The following OCIAD2 variants were observed in gnomAD, a reference collection of about 807,000 sequenced individuals.
OCIAD2 encodes the protein OCIA domain-containing protein 2.
OCIAD2 carries 29 observed loss-of-function variants against 22.9 expected under a neutral mutation model. The observed-to-expected ratio is 1.27, with a 90% confidence interval of 0.94 to 1.73. The LOEUF is 1.73. OCIAD2 is among the 40% of genes most tolerant of loss of function. OCIAD2 has a pLI of 0.00. For synonymous variants in OCIAD2, 67 were observed against 60.2 expected, an observed-to-expected ratio of 1.11 and a Z score of -0.52; for missense variants, 189 against 180.3, an observed-to-expected ratio of 1.05 and a Z score of -0.28.
At position 48,886,528 on chromosome 4, in the gene OCIAD2, C is replaced by T. The variant is rs1433576432; in HGVS notation, c.384-963G>A. Reference sequence around the variant, plus strand: ...ACAACAGGCCCTGGTGTGTGATGTTCCCCTTCCTGTGTTCAAGTGTTCTCA... The same window carrying T: ...ACAACAGGCCCTGGTGTGTGATGTTTCCCTTCCTGTGTTCAAGTGTTCTCA... On this transcript the variant is annotated intron_variant, in intron 6 of 6. Coordinates refer to ENST00000508632, the MANE Select transcript of OCIAD2 (RefSeq NM_001014446.3). 4.2e-5 allele frequency among the ~76,000 whole-genome samples: 6 copies of T among 141,952 alleles called. No homozygotes were observed. In the East Asian group the frequency reaches 8.7e-4, roughly 21 times the overall value. The allele number at this position is 141,952 out of a possible 152,430, so 93.1% of individuals were successfully genotyped here.
intron 2 of OCIAD2, among the ~76,000 whole-genome samples, chr4:48,903,227 T>C (rs1450406202): frequency 6.6e-6 from 1 of 152,160 alleles, no homozygotes; most frequent in Non-Finnish European, 1.5e-5. Context: ...AGTTGAAAAA[T>C]TGTTTCCATG....
At chr4:48,903,802 T>C (rs971078028) in intron 2 of OCIAD2, among the ~76,000 whole-genome samples, 3 of 151,832 alleles carry the variant, frequency 2.0e-5, no homozygotes, top group East Asian at 1.9e-4. Context: ...CCAGCCACCA[T>C]GCCCGGCTAT....
Position 48,892,824 on chromosome 4 carries a change from G to A in OCIAD2, c.331C>T (p.His111Tyr). 6.2e-7 allele frequency: 1 copy of A among 1,613,038 alleles called. No homozygotes were observed. Among genetic ancestry groups the A allele is most frequent in the Non-Finnish European group, 8.5e-7 (1 of 1,179,448 alleles). The part of the protein sequence containing the change: ...SYIGVCQSKF[H>Y]FFEDQLRGAG... ...CCACGGAGCTGATCTTCAAAAAAAT[G>A]GAATTTACTCTGGCATACTCCTATG... Residue 111 changes from histidine (H) to tyrosine (Y), a missense_variant, in exon 6 of 7, where the codon CAT becomes TAT. Coordinates refer to ENST00000508632, the MANE Select transcript of OCIAD2 (RefSeq NM_001014446.3).
chr4:48,900,801 C>T (rs1003024697), intron 2 of OCIAD2, among the ~76,000 whole-genome samples: 1 of 152,008 alleles, frequency 6.6e-6, no homozygotes, highest in African/African-American at 2.4e-5. Context: ...GCCATGTTGC[C>T]CAGGCTGGTC....
chr4:48,887,140 T>C (rs1347015476), intron 6 of OCIAD2, among the ~76,000 whole-genome samples: 1 of 152,272 alleles, frequency 6.6e-6, no homozygotes, highest in Non-Finnish European at 1.5e-5. Context: ...AAATGTCTTC[T>C]TTTGAGAAGT....
At chr4:48,903,143 G>T (rs7700186) in intron 2 of OCIAD2, among the ~76,000 whole-genome samples, 1 of 152,016 alleles carries the variant, frequency 6.6e-6, no homozygotes, top group African/African-American at 2.4e-5. Flanking sequence ...GAACATGAAC[G>T]CCATTGACCC....
At chr4:48,892,934 T>C in intron 5 of OCIAD2, 45 bp from the exon 6 acceptor site, 1 of 973,616 alleles carries the variant, frequency 1.0e-6, no homozygotes, top group Non-Finnish European at 1.6e-6. Context: ...TCTTCTCCAT[T>C]AGTTATTTTC....
intron 2 of OCIAD2, 35 bp downstream of exon 2, chr4:48,904,449 A>G (rs368129053): frequency 1.5e-4 from 239 of 1,575,678 alleles, no homozygotes; most frequent in Non-Finnish European, 1.8e-4. Flanking sequence ...ATCGTGTCTC[A>G]ATCAATGAAT....
At chr4:48,893,983 G>C in intron 5 of OCIAD2, 23 bp downstream of exon 5, 1 of 1,479,680 alleles carries the variant, frequency 6.8e-7, no homozygotes, top group Non-Finnish European at 9.1e-7. Flanking sequence ...CACTTGGCTT[G>C]CTTTTTTATT....
chr4:48,897,889 A>G, intron 3 of OCIAD2, 32 bp from the exon 4 acceptor site: 1 of 1,553,104 alleles, frequency 6.4e-7, no homozygotes, highest in East Asian at 2.2e-5. Context: ...CAATATTGGT[A>G]TTTTAAAAAT....
intron 6 of OCIAD2, among the ~76,000 whole-genome samples, chr4:48,890,858 C>A (rs1453515952): frequency 6.6e-6 from 1 of 152,162 alleles, no homozygotes; most frequent in Non-Finnish European, 1.5e-5. Context: ...CCAGCAACTG[C>A]TATTGTAAAA....
chr4:48,889,683 T>C (rs1781108675), intron 6 of OCIAD2, among the ~76,000 whole-genome samples: 1 of 152,242 alleles, frequency 6.6e-6, no homozygotes, highest in Non-Finnish European at 1.5e-5. Context: ...TCAACCATTA[T>C]GGAAGACAGT....
chr4:48,895,847 C>T (rs1250014581), intron 4 of OCIAD2, among the ~76,000 whole-genome samples: 1 of 152,034 alleles, frequency 6.6e-6, no homozygotes, highest in Non-Finnish European at 1.5e-5. Flanking sequence ...GCCTGGCCAA[C>T]ATGGTGAAAC....
At chr4:48,892,363 T>C (rs535514597) in intron 6 of OCIAD2, among the ~76,000 whole-genome samples, 1 of 152,122 alleles carries the variant, frequency 6.6e-6, no homozygotes, top group South Asian at 2.1e-4. Context: ...GGTGATGCCA[T>C]TAACTCCAAA....
Position 48,892,843 on chromosome 4 carries a change from T to G in OCIAD2, c.312A>C (p.Gly104=), listed in dbSNP as rs984756296. ...GFGLGKVSYI[G]VCQSKFHFFE... is the part of the protein sequence containing the mutation. Reference sequence around the variant, plus strand: ...AAAAATGGAATTTACTCTGGCATACTCCTATGTATGATACCTTTCCAAGGC... The same window carrying G: ...AAAAATGGAATTTACTCTGGCATACGCCTATGTATGATACCTTTCCAAGGC... The change falls in exon 6 of 7, where the codon GGA becomes GGC. Residue 104 remains glycine (G), a synonymous_variant. Transcript: ENST00000508632. 1 of 1,612,540 alleles carries G rather than the reference T, an allele frequency of 6.2e-7. No homozygotes were observed. Among genetic ancestry groups the G allele is most frequent in the Non-Finnish European group, 8.5e-7 (1 of 1,179,160 alleles).
chr4:48,904,661 A>C (rs1490630441), intron 1 of OCIAD2, 50 bp from the exon 2 acceptor site: 4 of 965,610 alleles, frequency 4.1e-6, no homozygotes, highest in East Asian at 4.8e-5. Flanking sequence ...TGTTTGCATC[A>C]AGCTTAAAAG....
chr4:48,885,323 C>T lies in OCIAD2; in HGVS notation c.*161G>A, dbSNP rs977993348. ...TCTTAAAGAGCAGAAAAACATGTAA[C>T]GCTTAGTTCACTTGAAAGCCTTCCA... On this transcript the variant is annotated 3_prime_UTR_variant, in exon 7 of 7. Transcript: ENST00000508632. 3.2e-5 allele frequency: 18 copies of T among 567,086 alleles called. No individual in the cohort carries two copies. The highest frequency in any genetic ancestry group is 6.1e-5 in the African/African-American group (3 of 49,316). The allele number at this position is 567,086 out of a possible 1,614,324, so 35.1% of individuals were successfully genotyped here.
chr4:48,893,938 T>C (rs905783348), intron 5 of OCIAD2, 68 bp downstream of exon 5: 5 of 1,001,476 alleles, frequency 5.0e-6, no homozygotes, highest in Non-Finnish European at 5.7e-6. Flanking sequence ...CACCTCAGCC[T>C]CCCAAAGTGC....
Position 48,892,796 on chromosome 4 carries a change from G to A in OCIAD2, c.359C>T (p.Ala120Val), listed in dbSNP as rs1432956215. Residue 120 changes from alanine to valine, a missense_variant, in exon 6 of 7, where the codon GCT becomes GTT. By Grantham distance (64) the Ala-to-Val change is moderately conservative. Coordinates refer to ENST00000508632, the MANE Select transcript of OCIAD2 (RefSeq NM_001014446.3). ...CCTGTTATGCTGTGGACCAAAACCA[G>A]CCCCACGGAGCTGATCTTCAAAAAA... is the stretch of plus-strand genomic sequence containing the variant. Reference protein sequence around the residue: ...FHFFEDQLRGAGFGPQHNRHC... With the variant: ...FHFFEDQLRGVGFGPQHNRHC... 6.2e-7 allele frequency: 1 copy of A among 1,606,132 alleles called. No individual in the cohort carries two copies. The highest frequency in any genetic ancestry group is 8.5e-7 in the Non-Finnish European group (1 of 1,174,064).
Sources: allele counts gnomAD v4.1 joint callset (sites outside exome capture counted in the v4.1 genomes callset), GRCh38; gene constraint gnomAD v4.1.1; transcripts MANE v1.5; gene names NCBI Gene and HGNC (gene_info 2026-07-23, HGNC 2026-07-21).